UIMC1: variants seen among roughly 807,000 people sequenced by gnomAD.
UIMC1 encodes the protein ubiquitin interaction motif containing 1.
In UIMC1, 42 loss-of-function variants were observed where a neutral mutation model predicts 84.9. The ratio of observed to expected loss-of-function variants is 0.49; its 90% CI spans 0.39 to 0.64. The LOEUF (loss-of-function observed/expected upper bound fraction) is 0.64. UIMC1 is among the 30% of genes least tolerant of loss of function. The probability of loss-of-function intolerance (pLI) is 0.00; values close to 1 mark genes in which losing one functional copy is unlikely to be tolerated. For missense variants in UIMC1, 825 were observed against 847.6 expected, an observed-to-expected ratio of 0.97 and a Z score of 0.33; for synonymous variants, 281 against 293.0, an observed-to-expected ratio of 0.96 and a Z score of 0.42.
chr5:176,944,050 C>T (rs1273569316), intron 9 of UIMC1, among the ~76,000 whole-genome samples: 1 of 152,202 alleles, frequency 6.6e-6, no homozygotes, highest in African/African-American at 2.4e-5. Flanking sequence ...CTTAAGGACA[C>T]ATTTTCAATT....
intron 3 of UIMC1, among the ~76,000 whole-genome samples, chr5:176,971,819 G>A (rs1485649889): frequency 6.6e-6 from 1 of 151,942 alleles, no homozygotes; most frequent in Non-Finnish European, 1.5e-5. Context: ...TGAGGGAGGA[G>A]AATCACTTGA....
intron 3 of UIMC1, among the ~76,000 whole-genome samples, chr5:176,974,340 A>T (rs1769726063): frequency 6.6e-6 from 1 of 152,214 alleles, no homozygotes; most frequent in Non-Finnish European, 1.5e-5. Flanking sequence ...TTGGATATCC[A>T]TATGGGAAAA....
chr5:176,916,579 T>C (rs1222351316), intron 10 of UIMC1, among the ~76,000 whole-genome samples: 1 of 152,230 alleles, frequency 6.6e-6, no homozygotes, highest in Non-Finnish European at 1.5e-5. Flanking sequence ...ATAACTGCAT[T>C]TAACCTTAAT....
chr5:176,942,166 C>G (rs1337194438), intron 10 of UIMC1, among the ~76,000 whole-genome samples: 1 of 152,070 alleles, frequency 6.6e-6, no homozygotes, highest in African/African-American at 2.4e-5. Flanking sequence ...AGAGATAAAC[C>G]AACAGCTCCT....
intron 10 of UIMC1, among the ~76,000 whole-genome samples, chr5:176,914,022 CACCATACCATACCATACACCAT>C (rs1760626702): frequency 1.3e-5 from 2 of 148,500 alleles, no homozygotes; most frequent in African/African-American, 2.5e-5. Flanking sequence ...CCATACCATA[CACCATACCATACCATACACCAT>C]ACCATACCAT....
intron 9 of UIMC1, among the ~76,000 whole-genome samples, chr5:176,950,052 T>A (rs1217865980): frequency 2.0e-5 from 3 of 148,992 alleles, no homozygotes; most frequent in African/African-American, 7.4e-5. Flanking sequence ...CAAGACTTTG[T>A]CTCGAGGAGA....
intron 1 of UIMC1, among the ~76,000 whole-genome samples, chr5:177,005,213 A>G (rs540354062): frequency 3.7e-4 from 57 of 152,092 alleles, no homozygotes; most frequent in African/African-American, 1.3e-3. Context: ...AGCTGAGACT[A>G]TAGGCAGGCG....
intron 8 of UIMC1, 118 bp downstream of exon 8, chr5:176,955,841 A>G: frequency 1.1e-6 from 1 of 876,298 alleles, no homozygotes; most frequent in Non-Finnish European, 1.8e-6. Flanking sequence ...ATGTACATAC[A>G]CGTATCAATT....
chr5:176,913,350 C>G (rs1760512483), intron 10 of UIMC1, among the ~76,000 whole-genome samples: 1 of 152,200 alleles, frequency 6.6e-6, no homozygotes, highest in African/African-American at 2.4e-5. Flanking sequence ...CTTCACCATG[C>G]TATCAAAACT....
At position 177,022,037 on chromosome 5, in the gene UIMC1, G is replaced by T. The variant is rs149236822; in HGVS notation, c.-9+427C>A. Among the ~76,000 whole-genome samples the T allele has an allele frequency of 2.4e-3, 358 of 152,308 alleles. 2 individuals are homozygous for T. Among genetic ancestry groups the T allele is most frequent in the African/African-American group, 8.1e-3 (338 of 41,556 alleles). On this transcript the variant is annotated intron_variant, in intron 1 of 5. Transcript: ENST00000509236. ...GTCATGATCTGACTTGTCATAAGAG[G>T]ATTCCTGGAACTGCTGTGCTGGGAA...
At chr5:176,926,260 T>C (rs1328872494) in intron 10 of UIMC1, among the ~76,000 whole-genome samples, 1 of 152,090 alleles carries the variant, frequency 6.6e-6, no homozygotes, top group Non-Finnish European at 1.5e-5. Context: ...GTGGATTGTA[T>C]ACTAGATAAT....
At position 176,938,554 on chromosome 5, in the gene UIMC1, C is replaced by A. The variant is rs6893828; in HGVS notation, c.1597+4781G>T. 7.5e-3 allele frequency among the ~76,000 whole-genome samples: 1,143 copies of A among 152,268 alleles called. 16 individuals are homozygous for A. The highest frequency in any genetic ancestry group is 0.026 in the African/African-American group (1,100 of 41,540). ...GAGAGTAGAATGGTTCCAGTGAGGG[C>A]ACCCTGCTCCCTCTCATAGGGCCTG... On this transcript the variant is annotated intron_variant, in intron 10 of 14. Transcript: ENST00000511320.
At chr5:176,914,976 C>G (rs1760780599) in intron 10 of UIMC1, among the ~76,000 whole-genome samples, 1 of 152,190 alleles carries the variant, frequency 6.6e-6, no homozygotes, top group South Asian at 2.1e-4. Flanking sequence ...GCTGGCACCT[C>G]AAAGATTACA....
intron 1 of UIMC1, among the ~76,000 whole-genome samples, chr5:176,997,425 C>T (rs1334849416): frequency 6.6e-6 from 1 of 152,138 alleles, no homozygotes; most frequent in Non-Finnish European, 1.5e-5. Context: ...GTGGCTCACA[C>T]CTGTAATCCC....
chr5:176,944,692 G>T (rs182964230), intron 9 of UIMC1, among the ~76,000 whole-genome samples: 3 of 152,342 alleles, frequency 2.0e-5, no homozygotes, highest in Non-Finnish European at 2.9e-5. Flanking sequence ...TGGGGTAAGA[G>T]GTTGGGGCTA....
In UIMC1 at chr5:176,905,327, A is replaced by G. The variant is rs777808935; in HGVS notation, c.2115T>C (p.Ser705=). The change falls in exon 15 of 15, where the codon AGT becomes AGC. Residue 705 remains serine, a synonymous_variant. Transcript: ENST00000511320. Reference sequence around the variant, plus strand: ...CTCTGCCAGCTTTGGTCCGTGTCCGACTACCTGGCTGGACAGTAACTTGCT... The same window carrying G: ...CTCTGCCAGCTTTGGTCCGTGTCCGGCTACCTGGCTGGACAGTAACTTGCT... ...FKKQVTVQPG[S]RTRTKAGRGR... 3.1e-6 allele frequency: 5 copies of G among 1,614,114 alleles called. No individual in the cohort carries two copies. The Admixed American group carries it at 5.0e-5, about 16-fold the overall frequency.
intron 2 of UIMC1, 76 bp from the exon 3 acceptor site, chr5:176,975,556 T>C: frequency 4.2e-6 from 6 of 1,433,414 alleles, no homozygotes; most frequent in Non-Finnish European, 5.9e-6. Context: ...ACCTCCCCTA[T>C]GGCTAAGAGA....
chr5:176,961,858 T>C (rs1474987735), intron 6 of UIMC1, among the ~76,000 whole-genome samples: 10 of 26,528 alleles, frequency 3.8e-4, no homozygotes, highest in African/African-American at 1.5e-3. Flanking sequence ...GAGGAGCCCC[T>C]CTGCCCGGCC....
chr5:176,924,122 A>G (rs1347925272), intron 10 of UIMC1, among the ~76,000 whole-genome samples: 1 of 151,860 alleles, frequency 6.6e-6, no homozygotes, highest in African/African-American at 2.4e-5. Flanking sequence ...AGTCAAGACC[A>G]GCCTGGCCAA....
Sources: gnomAD v4.1 joint callset for allele counts (sites outside exome capture counted in the v4.1 genomes callset) on GRCh38, gnomAD v4.1.1 for gene constraint, MANE v1.5 for transcripts, NCBI Gene and HGNC (gene_info 2026-07-23, HGNC 2026-07-21) for gene names.